Variants in LIPG observed in about 807,000 individuals in gnomAD.
LIPG encodes endothelial lipase.
A neutral mutation model predicts 51.8 loss-of-function variants in LIPG; 34 were observed. The ratio of observed to expected loss-of-function variants is 0.66; its 90% CI spans 0.50 to 0.87. LIPG has a LOEUF of 0.87. Ranked by LOEUF, LIPG falls within the 40% of genes least tolerant of loss-of-function variation. The pLI is 0.00. For missense variants in LIPG, 580 were observed against 652.7 expected (o/e 0.89, Z 1.21); for synonymous variants, 246 against 246.1 (o/e 1.00, Z 0.00).
intron 9 of LIPG, chr18:49,590,060 T>C (rs35954759): frequency 0.019 from 5,595 of 301,194 alleles, 289 homozygotes; most frequent in African/African-American, 0.11. Context: ...AGAATCCAGG[T>C]CTCCTAACTC....
chr18:49,576,457 C>CTTTTTTTTTTT lies in LIPG; in HGVS notation c.793+884_793+894dup, dbSNP rs34597464. On this transcript the variant is annotated intron_variant, in intron 5 of 9. Coordinates refer to ENST00000261292, the MANE Select transcript of LIPG (RefSeq NM_006033.4). ...TCTTTTTTTAAAAGACAGAATCTTG[C>CTTTTTTTTTTT]TTTTTTTTTTTTTTTTTTTTTTTTT... 7.3e-3 allele frequency among the ~76,000 whole-genome samples: 378 copies of CTTTTTTTTTTT among 51,518 alleles called. 121 individuals carry two copies. Among genetic ancestry groups the CTTTTTTTTTTT allele is most frequent in the African/African-American group, 9.7e-3 (115 of 11,808 alleles). The allele number at this position is 51,518 out of a possible 152,430, so 33.8% of individuals were successfully genotyped here. A position where few individuals can be genotyped will look rare whatever the true frequency, so the allele number is the denominator to read the frequency against.
rs1600573167 is a variant in LIPG, at chr18:49,590,741, C to T, written c.*219C>T. The T allele has an allele frequency of 1.6e-6, 1 of 618,898 alleles. No individual in the cohort carries two copies. Among genetic ancestry groups the T allele is most frequent in the Non-Finnish European group, 2.9e-6 (1 of 344,734 alleles). 38.3% of individuals were successfully genotyped at this position (618,898 alleles called of 1,614,324 possible). A position where few individuals can be genotyped will look rare whatever the true frequency, so the allele number is the denominator to read the frequency against. Reference sequence around the variant, plus strand: ...CTGCCTCTCTTGAATAGCTCTAACTCCAAACCTCTGTCCACACCTCCAGAG... The same window carrying T: ...CTGCCTCTCTTGAATAGCTCTAACTTCAAACCTCTGTCCACACCTCCAGAG... On this transcript the variant is annotated 3_prime_UTR_variant, in exon 10 of 10. Coordinates refer to ENST00000261292, the MANE Select transcript of LIPG (RefSeq NM_006033.4).
intron 5 of LIPG, among the ~76,000 whole-genome samples, chr18:49,579,647 T>C (rs1166699892): frequency 6.6e-6 from 1 of 152,084 alleles, no homozygotes; most frequent in Non-Finnish European, 1.5e-5. Flanking sequence ...ATGCTCAGTC[T>C]TTCCCTCTCC....
chr18:49,569,705 CT>C lies in LIPG; in HGVS notation c.571+171del, dbSNP rs35711840. Among the ~76,000 whole-genome samples the C allele has an allele frequency of 6.5e-3, 946 of 146,464 alleles. 8 individuals carry two copies. Among genetic ancestry groups the C allele is most frequent in the African/African-American group, 0.019 (741 of 39,884 alleles). On this transcript the variant is annotated intron_variant, in intron 4 of 9. Transcript: ENST00000261292. ...CCCAAGCGTTTTTAGTCACAAGAAA[CT>C]TTTTTTTTTTTTTCCAAATTGAACT... is the stretch of plus-strand genomic sequence containing the variant.
At position 49,583,657 on chromosome 18, in the gene LIPG, C is replaced by G. The variant is rs745417719; in HGVS notation, c.1259C>G (p.Ser420Cys). The G allele has an allele frequency of 6.2e-7, 1 of 1,614,228 alleles. No individual in the cohort carries two copies. Among genetic ancestry groups the G allele is most frequent in the Non-Finnish European group, 8.5e-7 (1 of 1,180,046 alleles). ...ATCCAGCTCACCTGGGAGGGGGCCTCTCAGTCTTGGTACAACCTGTGGAAG... is the reference window on the plus strand; with the variant it reads ...ATCCAGCTCACCTGGGAGGGGGCCTGTCAGTCTTGGTACAACCTGTGGAAG... The part of the protein sequence containing the change: ...LKIQLTWEGA[S>C]QSWYNLWKEF... Residue 420 changes from serine to cysteine, a missense_variant, in exon 8 of 10, where the codon TCT (serine) becomes TGT (cysteine). Physicochemically the swap from Ser to Cys is moderately radical, Grantham distance 112 (BLOSUM62 -1). Transcript: ENST00000261292.
intron 5 of LIPG, among the ~76,000 whole-genome samples, chr18:49,577,070 G>C (rs2084727727): frequency 6.7e-6 from 1 of 148,240 alleles, no homozygotes; most frequent in Admixed American, 6.7e-5. Flanking sequence ...CACAGAGGGG[G>C]ATTTGGCAGG....
At chr18:49,582,623 G>GACCAC in intron 7 of LIPG, 141 bp downstream of exon 7, 11 of 1,073,328 alleles carry the variant, frequency 1.0e-5, no homozygotes, top group Non-Finnish European at 1.4e-5. Flanking sequence ...AGGTGGTCTA[G>GACCAC]CTGGCCTCTG....
intron 3 of LIPG, 79 bp from the exon 4 acceptor site, chr18:49,569,358 C>A: frequency 8.3e-7 from 1 of 1,200,594 alleles, no homozygotes; most frequent in Non-Finnish European, 1.2e-6. Flanking sequence ...TGCTCCGTGA[C>A]TGAGTTGTTG....
intron 5 of LIPG, among the ~76,000 whole-genome samples, chr18:49,578,986 T>TGAGAGGGAGACCGTGGG (rs1568532478): frequency 7.2e-5 from 8 of 110,378 alleles, no homozygotes; most frequent in African/African-American, 2.2e-4. Context: ...CGGCTCCACA[T>TGAGAGGGAGACCGTGGG]GAGAGGGAGA....
At position 49,592,835 on chromosome 18, in the gene LIPG, T is replaced by C. The variant is rs932198401; in HGVS notation, c.*2313T>C. ...TGTATATAAAAAAATATGGTTAGTG[T>C]TTACCTAAGGTTAACCAATTTCAAG... On this transcript the variant is annotated 3_prime_UTR_variant, in exon 10 of 10. Transcript: ENST00000261292. The C allele has an allele frequency of 1.3e-5, 2 of 152,134 alleles. No individual in the cohort carries two copies. The highest frequency in any genetic ancestry group is 1.3e-4 in the Admixed American group (2 of 15,268). The allele number at this position is 152,134 out of a possible 1,614,324, so 9.4% of individuals were successfully genotyped here. A position where few individuals can be genotyped will look rare whatever the true frequency, so the allele number is the denominator to read the frequency against.
intron 6 of LIPG, 87 bp from the exon 7 acceptor site, chr18:49,582,275 C>G (rs2084828104): frequency 6.5e-7 from 1 of 1,550,360 alleles, no homozygotes. Context: ...GCCCTAAAAT[C>G]TCTGTGCTGG....
In LIPG at chr18:49,590,172, A is replaced by AT. The variant is rs1454548968; in HGVS notation, c.1482-327dup. The stretch of plus-strand genomic sequence containing the variant: ...TTCTCCCCACACTTGTGTGTCCATG[A>AT]TTGTGTGTGTGTGTGTGTGTGTGTG... On this transcript the variant is annotated intron_variant, in intron 9 of 9. Transcript: ENST00000261292. 1.3e-5 allele frequency: 4 copies of AT among 318,536 alleles called. No individual in the cohort carries two copies. In the African/African-American group the frequency reaches 1.4e-4, roughly 11 times the overall value. The allele number at this position is 318,536 out of a possible 1,614,324, so 19.7% of individuals were successfully genotyped here.
chr18:49,584,569 C>T (rs1195329329), intron 8 of LIPG, among the ~76,000 whole-genome samples: 1 of 152,220 alleles, frequency 6.6e-6, no homozygotes, highest in Non-Finnish European at 1.5e-5. Flanking sequence ...CTGCCTCCCT[C>T]TTTGTCCCTC....
At chr18:49,566,280 A>AAG (rs1415156438) in intron 2 of LIPG, among the ~76,000 whole-genome samples, 1 of 152,192 alleles carries the variant, frequency 6.6e-6, no homozygotes, top group Non-Finnish European at 1.5e-5. Context: ...TAGTTGAATG[A>AAG]AGAGATGATT....
rs1037622758 is a variant in LIPG at position 49,596,825 on chromosome 18, C to G, written c.*6303C>G. On this transcript the variant is annotated 3_prime_UTR_variant, in exon 10 of 10. Coordinates refer to ENST00000261292, the MANE Select transcript of LIPG (RefSeq NM_006033.4). ...CATGTAGCTCCAAGTATTTCCCCCC[C>G]TCATATCCCTCAAGTGCTCCATTTT... 1.3e-5 allele frequency: 2 copies of G among 152,110 alleles called. No homozygotes were observed. The highest frequency in any genetic ancestry group is 4.8e-5 in the African/African-American group (2 of 41,322). 9.4% of individuals were successfully genotyped at this position (152,110 alleles called of 1,614,324 possible). A position where few individuals can be genotyped will look rare whatever the true frequency, so the allele number is the denominator to read the frequency against.
Position 49,583,784 on chromosome 18 carries a change from T to A in LIPG, c.1376+10T>A. On this transcript the variant is annotated intron_variant, in intron 8 of 9. Coordinates refer to ENST00000261292, the MANE Select transcript of LIPG (RefSeq NM_006033.4). ...GGGAAACCCAGCGGAAGTAAGTGCC[T>A]CCTGCTCCTTCTTCTGCCTGGTGTA... 1 of 1,602,022 alleles carries A rather than the reference T, an allele frequency of 6.2e-7. No homozygotes were observed. The highest frequency in any genetic ancestry group is 1.7e-5 in the Admixed American group (1 of 58,722).
chr18:49,581,953 A>G, intron 6 of LIPG: 1 of 591,282 alleles, frequency 1.7e-6, no homozygotes. Context: ...TCATTTGATC[A>G]TCACAAGAAA....
intron 8 of LIPG, among the ~76,000 whole-genome samples, chr18:49,584,141 C>T (rs2084857942): frequency 6.6e-6 from 1 of 152,154 alleles, no homozygotes. Context: ...AGACAAAAGG[C>T]TTTGCTTGCT....
chr18:49,578,593 G>C (rs1442917558), intron 5 of LIPG, among the ~76,000 whole-genome samples: 1 of 151,696 alleles, frequency 6.6e-6, no homozygotes, highest in Non-Finnish European at 1.5e-5. Context: ...CGGCCAGGCG[G>C]AGACACTCCT....
Sources: allele counts gnomAD v4.1 joint callset (sites outside exome capture counted in the v4.1 genomes callset), GRCh38; gene constraint gnomAD v4.1.1; transcripts MANE v1.5; gene names NCBI Gene and HGNC (gene_info 2026-07-23, HGNC 2026-07-21).